The following LRRTM4 variants were observed in gnomAD, a reference collection of about 807,000 sequenced individuals.
LRRTM4 encodes leucine-rich repeat transmembrane neuronal protein 4.
A neutral mutation model predicts 47.6 loss-of-function variants in LRRTM4; 25 were observed. The ratio of observed to expected loss-of-function variants is 0.53; its 90% CI spans 0.38 to 0.73. LRRTM4 has a LOEUF of 0.73. LRRTM4 is among the 30% of genes least tolerant of loss of function. LRRTM4 has a pLI of 0.00. For synonymous variants in LRRTM4, 311 were observed against 269.5 expected (o/e 1.15, Z -1.51); for missense variants, 638 against 713.4 (o/e 0.89, Z 1.20).
chr2:76,928,869 T>C (rs988508586), intron 3 of LRRTM4, among the ~76,000 whole-genome samples: 1 of 152,190 alleles, frequency 6.6e-6, no homozygotes. Flanking sequence ...AACTTTAATA[T>C]AAAATCATAT....
chr2:77,059,962 G>C (rs1329670462), intron 3 of LRRTM4, among the ~76,000 whole-genome samples: 1 of 152,094 alleles, frequency 6.6e-6, no homozygotes, highest in Non-Finnish European at 1.5e-5. Context: ...TTTGTTTTTT[G>C]TATCTGCTTT....
rs1032446808 is a variant in LRRTM4, at chr2:77,200,703, T to C, written c.1551+317615A>G. Reference sequence around the variant, plus strand: ...TCACTGCTACAAAGGTCAGCAGTTATAGTCCTCAGTGGATTCTTAGTATGT... The same window carrying C: ...TCACTGCTACAAAGGTCAGCAGTTACAGTCCTCAGTGGATTCTTAGTATGT... On this transcript the variant is annotated intron_variant, in intron 3 of 3. Coordinates refer to ENST00000409884, the MANE Select transcript of LRRTM4 (RefSeq NM_001134745.3). 9.9e-5 allele frequency among the ~76,000 whole-genome samples: 15 copies of C among 152,246 alleles called. No individual in the cohort carries two copies. The South Asian group carries it at 2.9e-3, about 29-fold the overall frequency.
rs536175538 is a variant in LRRTM4, at chr2:76,906,462, C to A, written c.1552-157546G>T. Among the ~76,000 whole-genome samples the A allele has an allele frequency of 4.6e-5, 7 of 151,704 alleles. No homozygotes were observed. In the East Asian group the frequency reaches 9.8e-4, roughly 21 times the overall value. On this transcript the variant is annotated intron_variant, in intron 3 of 3. Coordinates refer to ENST00000409884, the MANE Select transcript of LRRTM4 (RefSeq NM_001134745.3). ...ACTAACGAGCAAAATAACCAGCTAACATCATCAAGACAGGATCAAATTCAC... is the reference window on the plus strand; with the variant it reads ...ACTAACGAGCAAAATAACCAGCTAAAATCATCAAGACAGGATCAAATTCAC...
At chr2:77,218,354 T>C (rs1674516961) in intron 3 of LRRTM4, among the ~76,000 whole-genome samples, 1 of 152,024 alleles carries the variant, frequency 6.6e-6, no homozygotes, top group Admixed American at 6.6e-5. Flanking sequence ...TTTGGTTATG[T>C]TATGATAGCT....
At chr2:76,820,125 A>G (rs1671011950) in intron 3 of LRRTM4, among the ~76,000 whole-genome samples, 1 of 151,916 alleles carries the variant, frequency 6.6e-6, no homozygotes. Flanking sequence ...TGTTTAGTCC[A>G]AGCTTTTGGT....
intron 3 of LRRTM4, among the ~76,000 whole-genome samples, chr2:76,830,038 G>C (rs927446823): frequency 6.6e-6 from 1 of 151,862 alleles, no homozygotes; most frequent in African/African-American, 2.4e-5. Flanking sequence ...GTGTATTACA[G>C]AACTCTGAGC....
chr2:77,314,566 G>A (rs1046635903), intron 3 of LRRTM4, among the ~76,000 whole-genome samples: 6 of 151,902 alleles, frequency 3.9e-5, no homozygotes, highest in Admixed American at 1.3e-4. Context: ...AAAGTTATTC[G>A]GCAGGATTAT....
intron 3 of LRRTM4, among the ~76,000 whole-genome samples, chr2:77,089,775 C>T (rs991584626): frequency 3.9e-5 from 6 of 152,118 alleles, no homozygotes; most frequent in Non-Finnish European, 8.8e-5. Flanking sequence ...AATACAAACT[C>T]GACAGTAGTT....
At position 77,240,981 on chromosome 2, in the gene LRRTM4, C is replaced by G. The variant is rs146027468; in HGVS notation, c.1551+277337G>C. On this transcript the variant is annotated intron_variant, in intron 3 of 3. Coordinates refer to ENST00000409884, the MANE Select transcript of LRRTM4 (RefSeq NM_001134745.3). ...AGTATTGTTAAAATGCTGATTTTCCCCAAATTGACCTACAGAATACATACA... is the reference window on the plus strand; with the variant it reads ...AGTATTGTTAAAATGCTGATTTTCCGCAAATTGACCTACAGAATACATACA... Among the ~76,000 whole-genome samples, 8 of 151,844 alleles carry G rather than the reference C, an allele frequency of 5.3e-5. No homozygotes were observed. In the East Asian group the frequency reaches 1.2e-3, roughly 22 times the overall value.
chr2:76,783,212 A>G (rs749512776), intron 3 of LRRTM4, among the ~76,000 whole-genome samples: 47 of 152,320 alleles, frequency 3.1e-4, no homozygotes, highest in Non-Finnish European at 6.2e-4. Context: ...CCTACCCCAT[A>G]GTAAGCAGTA....
intron 3 of LRRTM4, among the ~76,000 whole-genome samples, chr2:77,269,113 AT>A (rs1205641990): frequency 6.6e-6 from 1 of 151,724 alleles, no homozygotes; most frequent in Non-Finnish European, 1.5e-5. Flanking sequence ...CTGAAATTTT[AT>A]TTTTTCTGTG....
intron 3 of LRRTM4, among the ~76,000 whole-genome samples, chr2:77,295,107 A>G (rs1676934547): frequency 6.6e-6 from 1 of 152,208 alleles, no homozygotes; most frequent in Non-Finnish European, 1.5e-5. Context: ...CATAGTGCTT[A>G]TATTACTGCA....
chr2:76,848,832 A>T (rs1225044204), intron 3 of LRRTM4, among the ~76,000 whole-genome samples: 1 of 152,196 alleles, frequency 6.6e-6, no homozygotes, highest in Non-Finnish European at 1.5e-5. Context: ...ACAAGAATTT[A>T]CATGTTAATA....
chr2:76,979,755 G>C (rs1268919116), intron 3 of LRRTM4, among the ~76,000 whole-genome samples: 1 of 142,056 alleles, frequency 7.0e-6, no homozygotes, highest in African/African-American at 2.8e-5. Context: ...TGAAATACTT[G>C]AAGATGTGAG....
intron 3 of LRRTM4, among the ~76,000 whole-genome samples, chr2:77,071,982 CTTAT>C (rs1680169773): frequency 4.6e-5 from 7 of 152,148 alleles, no homozygotes; most frequent in Admixed American, 1.3e-4. Flanking sequence ...GTAAGACTCT[CTTAT>C]TTTAGTTTGG....
intron 3 of LRRTM4, chr2:77,518,049 A>C (rs1679288213): frequency 5.9e-6 from 7 of 1,187,850 alleles, no homozygotes; most frequent in Non-Finnish European, 7.3e-6. Flanking sequence ...CTGTATACAA[A>C]TTGTTAAAAA....
chr2:77,453,779 C>A (rs1676358195), intron 3 of LRRTM4, among the ~76,000 whole-genome samples: 1 of 152,132 alleles, frequency 6.6e-6, no homozygotes, highest in African/African-American at 2.4e-5. Flanking sequence ...AATTACCTTG[C>A]TATAAATTGT....
At chr2:76,879,692 G>A (rs769702368) in intron 3 of LRRTM4, among the ~76,000 whole-genome samples, 4 of 152,134 alleles carry the variant, frequency 2.6e-5, no homozygotes, top group Non-Finnish European at 5.9e-5. Flanking sequence ...AATATATTTT[G>A]TAAGCCTATA....
At chr2:77,182,187 A>G (rs1041640833) in intron 3 of LRRTM4, among the ~76,000 whole-genome samples, 2 of 152,190 alleles carry the variant, frequency 1.3e-5, no homozygotes, top group African/African-American at 4.8e-5. Flanking sequence ...CCCATCAATG[A>G]TAGACTGGAT....
Sources: gnomAD v4.1 joint callset for allele counts (sites outside exome capture counted in the v4.1 genomes callset) on GRCh38, gnomAD v4.1.1 for gene constraint, MANE v1.5 for transcripts, NCBI Gene and HGNC (gene_info 2026-07-23, HGNC 2026-07-21) for gene names.